GDA: variants seen among roughly 807,000 people sequenced by gnomAD.
GDA encodes the protein guanine deaminase, also known as cytoplasmic PSD-95 interactor.
GDA carries 18 observed loss-of-function variants against 59.6 expected under a neutral mutation model. That is an observed-to-expected ratio of 0.30 (90% confidence interval 0.21 to 0.45). The LOEUF is 0.45. GDA is among the 20% of genes least tolerant of loss of function. The pLI, the probability that GDA is intolerant of heterozygous loss-of-function variation, is 1.00. For missense variants in GDA, 427 were observed against 552.3 expected (o/e 0.77, Z 2.27); for synonymous variants, 201 against 201.1 (o/e 1.00, Z 0.00).
intron 1 of GDA, among the ~76,000 whole-genome samples, chr9:72,164,706 G>A (rs757810659): frequency 5.8e-4 from 87 of 150,914 alleles, no homozygotes; most frequent in Non-Finnish European, 1.1e-3. Context: ...TGGCTGGGCC[G>A]GGCACAGTGG....
chr9:72,219,156 G>A (rs1174602516), intron 5 of GDA, among the ~76,000 whole-genome samples: 3 of 152,078 alleles, frequency 2.0e-5, no homozygotes, highest in Non-Finnish European at 4.4e-5. Flanking sequence ...TGTAATCCCA[G>A]CACTTTGGGA....
chr9:72,211,080 G>A (rs1835298676), intron 4 of GDA, among the ~76,000 whole-genome samples: 1 of 152,090 alleles, frequency 6.6e-6, no homozygotes, highest in African/African-American at 2.4e-5. Flanking sequence ...TTAATTTAGG[G>A]CTTTTTAGGG....
chr9:72,141,500 C>T (rs922794805), intron 1 of GDA, among the ~76,000 whole-genome samples: 4 of 151,912 alleles, frequency 2.6e-5, no homozygotes, highest in African/African-American at 9.7e-5. Context: ...TTAACTTGAG[C>T]TTCAGTTGGT....
rs532327396 is a variant in GDA at position 72,185,174 on chromosome 9, G to A, written c.124-10326G>A. Among the ~76,000 whole-genome samples, 23 of 152,262 alleles carry A rather than the reference G, an allele frequency of 1.5e-4. No homozygotes were observed. In the South Asian group the frequency reaches 3.1e-3, roughly 21 times the overall value. On this transcript the variant is annotated intron_variant, in intron 1 of 13. Transcript: ENST00000358399. ...TAGTTCAATAGACACAATATGGCCC[G>A]CAAAGCCTAAAATATTTACTGTCTC... is the stretch of plus-strand genomic sequence containing the variant.
intron 1 of GDA, among the ~76,000 whole-genome samples, chr9:72,151,401 TG>T (rs779777406): frequency 2.4e-4 from 36 of 152,182 alleles, no homozygotes; most frequent in Non-Finnish European, 4.4e-4. Context: ...AGTTGATACC[TG>T]GCTGTGTTTA....
intron 11 of GDA, 83 bp downstream of exon 11, chr9:72,241,381 T>C: frequency 2.9e-6 from 3 of 1,043,880 alleles, no homozygotes; most frequent in Non-Finnish European, 4.1e-6. Flanking sequence ...GATGCATGAT[T>C]GGTATTAGGA....
intron 1 of GDA, among the ~76,000 whole-genome samples, chr9:72,123,397 A>G (rs1825736070): frequency 6.8e-6 from 1 of 147,352 alleles, no homozygotes; most frequent in Non-Finnish European, 1.5e-5. Flanking sequence ...GTTAGCCAGG[A>G]GGGTCTTGAT....
chr9:72,183,176 C>T (rs1233066360), intron 1 of GDA, among the ~76,000 whole-genome samples: 2 of 152,006 alleles, frequency 1.3e-5, no homozygotes, highest in African/African-American at 4.8e-5. Context: ...TGTCTCTAGG[C>T]CTCTCAGCAG....
At chr9:72,177,423 C>G (rs1374455376) in intron 1 of GDA, among the ~76,000 whole-genome samples, 3 of 151,978 alleles carry the variant, frequency 2.0e-5, no homozygotes, top group Non-Finnish European at 4.4e-5. Flanking sequence ...AACTTTAAAA[C>G]TTGTTAAAAT....
At chr9:72,208,419 C>T (rs1436472933) in intron 3 of GDA, among the ~76,000 whole-genome samples, 2 of 152,186 alleles carry the variant, frequency 1.3e-5, no homozygotes, top group African/African-American at 4.8e-5. Flanking sequence ...GTATTCAATC[C>T]ACTAGTCCTT....
At chr9:72,231,682 T>C (rs1408558507) in intron 10 of GDA, among the ~76,000 whole-genome samples, 1 of 152,236 alleles carries the variant, frequency 6.6e-6, no homozygotes, top group Admixed American at 6.5e-5. Context: ...ATTAATTCCT[T>C]CTGACGTGTT....
At chr9:72,136,880 C>T (rs1826243968) in intron 1 of GDA, among the ~76,000 whole-genome samples, 1 of 152,082 alleles carries the variant, frequency 6.6e-6, no homozygotes, top group Non-Finnish European at 1.5e-5. Context: ...GAGGCTGAGG[C>T]AGGAGAATGG....
At position 72,248,540 on chromosome 9, in the gene GDA, A is replaced by G. The variant is rs1021098971; in HGVS notation, c.*198A>G. On this transcript the variant is annotated 3_prime_UTR_variant, in exon 14 of 14. Coordinates refer to ENST00000358399, the MANE Select transcript of GDA (RefSeq NM_004293.5). ...TTCTCAACTCTGGTTGAGAGGGTTCATAAATTTCATGAAAATATCTCCCTT... is the reference window on the plus strand; with the variant it reads ...TTCTCAACTCTGGTTGAGAGGGTTCGTAAATTTCATGAAAATATCTCCCTT... The G allele has an allele frequency of 7.9e-6, 11 of 1,384,578 alleles. No individual in the cohort carries two copies. In the South Asian group the frequency reaches 1.3e-4, roughly 17 times the overall value. 85.8% of individuals were successfully genotyped at this position (1,384,578 alleles called of 1,614,324 possible). A position where few individuals can be genotyped will look rare whatever the true frequency, so the allele number is the denominator to read the frequency against.
At chr9:72,133,305 A>AT (rs1293322271) in intron 1 of GDA, among the ~76,000 whole-genome samples, 411 of 131,426 alleles carry the variant, frequency 3.1e-3, no homozygotes, top group African/African-American at 8.8e-3. Flanking sequence ...AAAAAAAAAA[A>AT]AAAAATAATA....
chr9:72,249,639 A>G lies in GDA; in HGVS notation c.*1297A>G, dbSNP rs1840495529. 1.6e-6 allele frequency: 1 copy of G among 639,896 alleles called. No homozygotes were observed. Among genetic ancestry groups the G allele is most frequent in the Non-Finnish European group, 1.9e-6 (1 of 514,912 alleles). The allele number at this position is 639,896 out of a possible 1,614,324, so 39.6% of individuals were successfully genotyped here. A position where few individuals can be genotyped will look rare whatever the true frequency, so the allele number is the denominator to read the frequency against. ...AAACCAAATTATGACCTTATGATAA[A>G]TCTTTAAGTATTGGTGTGAATGTTA... On this transcript the variant is annotated 3_prime_UTR_variant, in exon 14 of 14. Transcript: ENST00000358399.
intron 1 of GDA, among the ~76,000 whole-genome samples, chr9:72,171,063 C>A (rs373179362): frequency 6.6e-6 from 1 of 152,296 alleles, no homozygotes; most frequent in East Asian, 1.9e-4. Flanking sequence ...GCAGTCCTCC[C>A]GCTTCAGCCT....
Position 72,250,731 on chromosome 9 carries a change from A to T in GDA, c.*2389A>T. On this transcript the variant is annotated 3_prime_UTR_variant, in exon 14 of 14. Coordinates refer to ENST00000358399, the MANE Select transcript of GDA (RefSeq NM_004293.5). ...ATCTTATTTGTCACTTTTTGTTTTA[A>T]TATCTTGCTCTCTGACAGGAAAGAA... The T allele has an allele frequency of 6.2e-7, 1 of 1,611,968 alleles. No homozygotes were observed. Among genetic ancestry groups the T allele is most frequent in the South Asian group, 1.1e-5 (1 of 91,046 alleles).
intron 1 of GDA, among the ~76,000 whole-genome samples, chr9:72,127,903 T>C (rs1358844006): frequency 1.3e-5 from 2 of 152,164 alleles, no homozygotes; most frequent in African/African-American, 4.8e-5. Context: ...CCACATTCAG[T>C]TTTTATGTAT....
chr9:72,221,867 T>C (rs1428543549), intron 6 of GDA, among the ~76,000 whole-genome samples: 1 of 152,232 alleles, frequency 6.6e-6, no homozygotes, highest in Non-Finnish European at 1.5e-5. Context: ...GCTTCATCCA[T>C]GTCCCTGCAA....
Sources: gnomAD v4.1 joint callset for allele counts (sites outside exome capture counted in the v4.1 genomes callset) on GRCh38, gnomAD v4.1.1 for gene constraint, MANE v1.5 for transcripts, NCBI Gene and HGNC (gene_info 2026-07-23, HGNC 2026-07-21) for gene names.